Variants in SYNJ1 observed in about 807,000 individuals in gnomAD.
SYNJ1 encodes synaptojanin 1, also known as polyphosphatidylinositol phosphatase SYNJ1.
SYNJ1 carries 78 observed loss-of-function variants against 168.2 expected under a neutral mutation model. That is an observed-to-expected ratio of 0.46 (90% confidence interval 0.39 to 0.56). SYNJ1 has a LOEUF of 0.56. Ranked by LOEUF, SYNJ1 falls within the 20% of genes least tolerant of loss-of-function variation. SYNJ1 has a pLI of 0.00. For synonymous variants in SYNJ1, 539 were observed against 548.6 expected (o/e 0.98, Z 0.24); for missense variants, 1,303 against 1,597.6 (o/e 0.82, Z 3.14).
rs1412124872 is a variant in SYNJ1, at chr21:32,698,780, T to A, written c.479+1058A>T. On this transcript the variant is annotated intron_variant, in intron 4 of 32. Coordinates refer to ENST00000674351, the MANE Select transcript of SYNJ1 (RefSeq NM_203446.3). ...CTAGATTTTGTCCCAGTATACTACT[T>A]CTTCACAATCTGTTGCTCTTGAATC... 3.9e-5 allele frequency among the ~76,000 whole-genome samples: 6 copies of A among 152,188 alleles called. No individual in the cohort carries two copies. The East Asian group carries it at 9.6e-4, about 24-fold the overall frequency.
intron 18 of SYNJ1, among the ~76,000 whole-genome samples, chr21:32,660,226 C>A (rs1254389361): frequency 6.6e-6 from 1 of 152,228 alleles, no homozygotes; most frequent in Non-Finnish European, 1.5e-5. Flanking sequence ...TCTAAGGGCC[C>A]TGGCAGCAAT....
Position 32,673,455 on chromosome 21 carries a change from G to A in SYNJ1, c.1611C>T (p.Val537=), listed in dbSNP as rs150180190. 26 of 1,613,002 alleles carry A rather than the reference G, an allele frequency of 1.6e-5. No homozygotes were observed. Among genetic ancestry groups the A allele is most frequent in the Admixed American group, 1.2e-4 (7 of 59,868 alleles). ...YSKPKKIRVC[V]GTWNVNGGKQ... is the part of the protein sequence containing the mutation. ...TCCCACCATTCACATTCCAGGTTCC[G>A]ACACATACTCGAATTTTCTTAGGCT... The change falls in exon 14 of 33, where the codon GTC becomes GTT. Residue 537 remains valine, a synonymous_variant. Coordinates refer to ENST00000674351, the MANE Select transcript of SYNJ1 (RefSeq NM_203446.3).
At chr21:32,647,443 C>T (rs1213843824) in intron 23 of SYNJ1, among the ~76,000 whole-genome samples, 1 of 152,134 alleles carries the variant, frequency 6.6e-6, no homozygotes, top group Non-Finnish European at 1.5e-5. Flanking sequence ...TATGGACATT[C>T]GCCTTCACTC....
At chr21:32,675,378 CAG>C (rs778075455) in intron 13 of SYNJ1, among the ~76,000 whole-genome samples, 73 of 151,994 alleles carry the variant, frequency 4.8e-4, no homozygotes, top group Middle Eastern at 3.4e-3. Context: ...CTTAAAGAAA[CAG>C]AGAGTCAAAA....
At chr21:32,685,454 C>T (rs1292619638) in intron 9 of SYNJ1, among the ~76,000 whole-genome samples, 2 of 140,380 alleles carry the variant, frequency 1.4e-5, no homozygotes, top group Non-Finnish European at 3.1e-5. Context: ...AAAAAATAAG[C>T]CAGGCATGGT....
intron 2 of SYNJ1, among the ~76,000 whole-genome samples, chr21:32,705,147 CAAAA>C (rs113065510): frequency 1.5e-5 from 1 of 66,730 alleles, no homozygotes. Flanking sequence ...GACTCTGTCT[CAAAA>C]AAAAAAAAAA....
chr21:32,720,250 A>T (rs565414327), intron 2 of SYNJ1, among the ~76,000 whole-genome samples: 50 of 152,154 alleles, frequency 3.3e-4, no homozygotes, highest in Non-Finnish European at 6.2e-4. Context: ...TCAAAAACAA[A>T]AACAAAAACA....
In SYNJ1 at chr21:32,700,100, T is replaced by C; in HGVS notation, c.217A>G (p.Thr73Ala). Reference sequence around the variant, plus strand: ...ACTAGGACCAGATAATGTAACATAGTATCACCTGCAAAACCCAAAGATTTT... The same window carrying C: ...ACTAGGACCAGATAATGTAACATAGCATCACCTGCAAAACCCAAAGATTTT... Reference protein sequence around the residue: ...LGVLRLNLGDTMLHYLVLVTG... With the variant: ...LGVLRLNLGDAMLHYLVLVTG... The change falls in exon 4 of 33, where the codon ACT becomes GCT. Residue 73 changes from threonine to alanine, a missense_variant. Physicochemically the swap from Thr to Ala is moderately conservative, Grantham distance 58 (BLOSUM62 0). Transcript: ENST00000674351. 1.9e-6 allele frequency: 3 copies of C among 1,596,690 alleles called. No homozygotes were observed. The highest frequency in any genetic ancestry group is 2.7e-5 in the African/African-American group (2 of 74,418).
At chr21:32,639,611 T>C (rs1378154931) in intron 30 of SYNJ1, 60 bp downstream of exon 30, 1 of 1,392,444 alleles carries the variant, frequency 7.2e-7, no homozygotes, top group Non-Finnish European at 1.0e-6. Flanking sequence ...TTGCCCAAGC[T>C]GGTCTCAAAT....
intron 2 of SYNJ1, among the ~76,000 whole-genome samples, chr21:32,716,968 T>TC (rs1431181828): frequency 6.6e-6 from 1 of 152,176 alleles, no homozygotes; most frequent in Non-Finnish European, 1.5e-5. Context: ...TTTCACTTTT[T>TC]TTTTTTTTAG....
intron 2 of SYNJ1, among the ~76,000 whole-genome samples, chr21:32,717,578 T>TACCCTTTGCAGTAC (rs1330625743): frequency 6.6e-6 from 1 of 152,228 alleles, no homozygotes; most frequent in Non-Finnish European, 1.5e-5. Flanking sequence ...TGAAGCAGTA[T>TACCCTTTGCAGTAC]ACCCTTTGCA....
intron 6 of SYNJ1, 60 bp from the exon 7 acceptor site, chr21:32,688,427 T>C: frequency 7.5e-7 from 1 of 1,329,588 alleles, no homozygotes; most frequent in Non-Finnish European, 1.1e-6. Context: ...GAAAGAAATA[T>C]CACTGCTTAC....
At chr21:32,643,378 G>A in intron 27 of SYNJ1, 32 bp downstream of exon 27, 1 of 1,611,408 alleles carries the variant, frequency 6.2e-7, no homozygotes, top group Non-Finnish European at 8.5e-7. Flanking sequence ...TAAAATGAGA[G>A]AACCACTTCT....
chr21:32,657,626 A>G, intron 19 of SYNJ1, 90 bp downstream of exon 19: 1 of 1,258,674 alleles, frequency 7.9e-7, no homozygotes, highest in East Asian at 2.6e-5. Flanking sequence ...TTCTTGAAAA[A>G]CAATATTCTC....
In SYNJ1 at chr21:32,699,974, G is replaced by A. The variant is rs370189840; in HGVS notation, c.343C>T (p.Arg115Cys). 2.6e-5 allele frequency: 42 copies of A among 1,613,980 alleles called. No homozygotes were observed. The highest frequency in any genetic ancestry group is 4.0e-5 in the African/African-American group (3 of 74,896). ...SLRIDSSDEDRISEVRKVLNS... is the reference protein window; with the variant it reads ...SLRIDSSDEDCISEVRKVLNS... ...AAAACTTTCCGCACTTCTGAAATGC[G>A]ATCCTCATCTGAAGAATCGATTCGC... Residue 115 changes from arginine (R) to cysteine (C), a missense_variant, in exon 4 of 33, where the codon CGC (arginine) becomes TGC (cysteine). By Grantham distance (180) the Arg-to-Cys change is radical. This residue lies in a region of SYNJ1 where 920 missense variants were observed against 1,208.8 expected (regional missense o/e 0.76). Coordinates refer to ENST00000674351, the MANE Select transcript of SYNJ1 (RefSeq NM_203446.3).
At chr21:32,685,109 G>T (rs1397258280) in intron 9 of SYNJ1, among the ~76,000 whole-genome samples, 1 of 149,824 alleles carries the variant, frequency 6.7e-6, no homozygotes, top group Non-Finnish European at 1.5e-5. Context: ...ATGAGCCCGG[G>T]AGGCGGAGCT....
chr21:32,643,170 G>C (rs1022025269), intron 27 of SYNJ1, among the ~76,000 whole-genome samples: 2 of 152,004 alleles, frequency 1.3e-5, no homozygotes, highest in Non-Finnish European at 2.9e-5. Flanking sequence ...ATATGAAACA[G>C]AGTACAAACA....
rs552504299 is a variant in SYNJ1 at position 32,697,684 on chromosome 21, C to T, written c.479+2154G>A. ...TGCGTGGTGGCGCACGCCTGTGGTC[C>T]CAGCTACCCAGGAGGCTGAGGCAGG... On this transcript the variant is annotated intron_variant, in intron 4 of 32. Transcript: ENST00000674351. Among the ~76,000 whole-genome samples the T allele has an allele frequency of 5.9e-5, 9 of 152,302 alleles. No individual in the cohort carries two copies. The East Asian group carries it at 9.7e-4, about 16-fold the overall frequency.
Position 32,638,818 on chromosome 21 carries a change from T to A in SYNJ1, c.3915+90A>T, listed in dbSNP as rs1364612271. The stretch of plus-strand genomic sequence containing the variant: ...ATTAAAACTCGTATTTATTTTTACT[T>A]CTTATAACAGGCAATAATTAAAATA... On this transcript the variant is annotated intron_variant, in intron 31 of 32. Coordinates refer to ENST00000674351, the MANE Select transcript of SYNJ1 (RefSeq NM_203446.3). 5.5e-6 allele frequency: 7 copies of A among 1,270,312 alleles called. No individual in the cohort carries two copies. The African/African-American group carries it at 8.9e-5, about 16-fold the overall frequency. 78.7% of individuals were successfully genotyped at this position (1,270,312 alleles called of 1,614,324 possible). A position where few individuals can be genotyped will look rare whatever the true frequency, so the allele number is the denominator to read the frequency against.
Sources: gnomAD v4.1 joint callset for allele counts (sites outside exome capture counted in the v4.1 genomes callset) on GRCh38, gnomAD v4.1.1 for gene constraint, gnomAD v4.1.1 regional missense constraint, MANE v1.5 for transcripts, NCBI Gene and HGNC (gene_info 2026-07-23, HGNC 2026-07-21) for gene names.